TGM7: variants seen among roughly 807,000 people sequenced by gnomAD.
The protein encoded by TGM7 is protein-glutamine gamma-glutamyltransferase Z.
Under a neutral mutation model 79.5 loss-of-function variants are expected in TGM7, and 74 were observed. That is an observed-to-expected ratio of 0.93 (90% confidence interval 0.77 to 1.13). TGM7 has a LOEUF of 1.13. TGM7 is among the 50% of genes most tolerant of loss of function. The pLI is 0.00. For missense variants in TGM7, 912 were observed against 905.9 expected (o/e 1.01, Z -0.09); for synonymous variants, 354 against 362.5 (o/e 0.98, Z 0.27).
At chr15:43,301,823 G>A (rs1339511984) in intron 1 of TGM7, among the ~76,000 whole-genome samples, 1 of 151,982 alleles carries the variant, frequency 6.6e-6, no homozygotes, top group East Asian at 1.9e-4. Flanking sequence ...AACTCTCAGT[G>A]AGGACCTGAG....
At chr15:43,277,272 C>T (rs1239957363) in intron 11 of TGM7, among the ~76,000 whole-genome samples, 1 of 152,210 alleles carries the variant, frequency 6.6e-6, no homozygotes, top group Non-Finnish European at 1.5e-5. Flanking sequence ...TCAAGATGTC[C>T]ACAAGATTTA....
intron 1 of TGM7, among the ~76,000 whole-genome samples, chr15:43,297,515 G>GAAGA (rs2043002940): frequency 7.7e-6 from 1 of 129,356 alleles, no homozygotes; most frequent in Non-Finnish European, 1.6e-5. Flanking sequence ...AAGAAGGAAG[G>GAAGA]AAGGAAGGAA....
chr15:43,296,777 C>G (rs1418485331), intron 1 of TGM7, among the ~76,000 whole-genome samples: 1 of 152,120 alleles, frequency 6.6e-6, no homozygotes, highest in African/African-American at 2.4e-5. Flanking sequence ...TCTCCAGAGG[C>G]CCAAGGTTGC....
chr15:43,287,210 T>G, intron 6 of TGM7, 70 bp downstream of exon 6: 1 of 1,526,610 alleles, frequency 6.6e-7, no homozygotes. Context: ...TACTGAACCT[T>G]TATGAGCCAC....
At position 43,284,886 on chromosome 15, in the gene TGM7, C is replaced by T. The variant is rs778230827; in HGVS notation, c.932G>A (p.Arg311Lys). ...ATAGTACGTATCGATGGTCAAGTTCCTATCCACGTTGTGCGCGGAACGGAA... is the reference window on the plus strand; with the variant it reads ...ATAGTACGTATCGATGGTCAAGTTCTTATCCACGTTGTGCGCGGAACGGAA... ...SNFRSAHNVD[R>K]NLTIDTYYDR... Residue 311 changes from arginine (R) to lysine (K), a missense_variant, in exon 7 of 13, where the codon AGG becomes AAG. By Grantham distance (26) the Arg-to-Lys change is conservative. Transcript: ENST00000452443. 23 of 1,614,104 alleles carry T rather than the reference C, an allele frequency of 1.4e-5. No homozygotes were observed. In the Admixed American group the frequency reaches 3.8e-4, roughly 27 times the overall value.
rs1391374505 is a variant in TGM7 at position 43,279,730 on chromosome 15, T to G, written c.1573A>C (p.Ile525Leu). The G allele has an allele frequency of 1.2e-6, 2 of 1,614,030 alleles. No individual in the cohort carries two copies. Among genetic ancestry groups the G allele is most frequent in the Non-Finnish European group, 1.7e-6 (2 of 1,180,026 alleles). ...GCACAGAAGCGCACCACCAGTCCGA[T>G]GGGCCCCCGAGGGTGGGTGCTGTCT... is the stretch of plus-strand genomic sequence containing the variant. Reference protein sequence around the residue: ...VPDSTHPRGPIGLVVRFCAQA... With the variant: ...VPDSTHPRGPLGLVVRFCAQA... Residue 525 changes from isoleucine (I) to leucine (L), a missense_variant, in exon 10 of 13, where the codon ATC becomes CTC. Coordinates refer to ENST00000452443, the MANE Select transcript of TGM7 (RefSeq NM_052955.3).
At chr15:43,289,545 G>A (rs897922533) in intron 4 of TGM7, among the ~76,000 whole-genome samples, 6 of 152,088 alleles carry the variant, frequency 3.9e-5, no homozygotes, top group African/African-American at 1.4e-4. Flanking sequence ...TGTCTTTATA[G>A]CAGCATGATT....
In TGM7 at chr15:43,284,955, A is replaced by G. The variant is rs1425215251; in HGVS notation, c.866-3T>C. ...TGGAACACCTAAGCATCTCATTACT[A>G]AAGAGAAAAATATAGAGAATCGCTG... On this transcript the variant is annotated splice_polypyrimidine_tract_variant and splice_region_variant and intron_variant, in intron 6 of 12. Transcript: ENST00000452443. 1.9e-6 allele frequency: 3 copies of G among 1,614,072 alleles called. No homozygotes were observed. The highest frequency in any genetic ancestry group is 2.5e-6 in the Non-Finnish European group (3 of 1,179,924).
At chr15:43,299,707 A>T (rs377225242) in intron 1 of TGM7, among the ~76,000 whole-genome samples, 5 of 152,200 alleles carry the variant, frequency 3.3e-5, no homozygotes, top group Non-Finnish European at 7.4e-5. Context: ...TTTTGCATTT[A>T]TTCTAGCTTC....
At chr15:43,284,768 C>T in intron 7 of TGM7, 46 bp downstream of exon 7, 2 of 1,600,968 alleles carry the variant, frequency 1.2e-6, no homozygotes, top group Non-Finnish European at 8.6e-7. Flanking sequence ...GTTTTTCTGC[C>T]CTCCCTGGGA....
chr15:43,286,798 T>C (rs1281463651), intron 6 of TGM7, among the ~76,000 whole-genome samples: 2 of 152,152 alleles, frequency 1.3e-5, no homozygotes, highest in African/African-American at 4.8e-5. Flanking sequence ...GCATAAAACA[T>C]TGATGTTCTT....
chr15:43,282,227 T>C, intron 8 of TGM7, 141 bp from the exon 9 acceptor site: 1 of 1,268,450 alleles, frequency 7.9e-7, no homozygotes, highest in Non-Finnish European at 1.1e-6. Flanking sequence ...TTGTTCCCAT[T>C]AATTCATCTG....
At position 43,292,113 on chromosome 15, in the gene TGM7, T is replaced by C; in HGVS notation, c.440-16A>G. 1 of 1,588,246 alleles carries C rather than the reference T, an allele frequency of 6.3e-7. No homozygotes were observed. Among genetic ancestry groups the C allele is most frequent in the Admixed American group, 1.7e-5 (1 of 59,660 alleles). ...ACGTCGTCCTCTGAGCAGTTAAGAG[T>C]AGTGGAGGGGGCAAAACCCCAAACC... is the stretch of plus-strand genomic sequence containing the variant. On this transcript the variant is annotated splice_polypyrimidine_tract_variant and intron_variant, in intron 3 of 12. Coordinates refer to ENST00000452443, the MANE Select transcript of TGM7 (RefSeq NM_052955.3).
At chr15:43,277,562 T>A (rs2042884504) in intron 11 of TGM7, among the ~76,000 whole-genome samples, 1 of 152,206 alleles carries the variant, frequency 6.6e-6, no homozygotes, top group Non-Finnish European at 1.5e-5. Flanking sequence ...CTGCTGTGTC[T>A]TCATAAACAT....
chr15:43,276,374 T>TG lies in TGM7; in HGVS notation c.*80dup, dbSNP rs1285806154. On this transcript the variant is annotated 3_prime_UTR_variant, in exon 13 of 13. Transcript: ENST00000452443. ...AGGCAGGCTAGAGAGAGGACAGAGG[T>TG]GGAGCCAAGACGACATAGCCAGGAG... is the stretch of plus-strand genomic sequence containing the variant. 2 of 1,501,508 alleles carry TG rather than the reference T, an allele frequency of 1.3e-6. No individual in the cohort carries two copies. The highest frequency in any genetic ancestry group is 1.8e-6 in the Non-Finnish European group (2 of 1,113,652). 93.0% of individuals were successfully genotyped at this position (1,501,508 alleles called of 1,614,324 possible). A position where few individuals can be genotyped will look rare whatever the true frequency, so the allele number is the denominator to read the frequency against.
At chr15:43,288,932 G>GA (rs1439498721) in intron 4 of TGM7, among the ~76,000 whole-genome samples, 3 of 151,894 alleles carry the variant, frequency 2.0e-5, no homozygotes, top group African/African-American at 7.3e-5. Context: ...TCAAGAAAAA[G>GA]AAAAAAATCT....
chr15:43,287,673 C>T lies in TGM7; in HGVS notation c.559-4G>A. On this transcript the variant is annotated splice_polypyrimidine_tract_variant and splice_region_variant and intron_variant, in intron 4 of 12. Coordinates refer to ENST00000452443, the MANE Select transcript of TGM7 (RefSeq NM_052955.3). ...TGTCTATGATGTCCTCTTCAAACTT[C>T]CAAGTGATTTTAAGGGAGAAAAAAG... The T allele has an allele frequency of 6.2e-7, 1 of 1,604,936 alleles. No homozygotes were observed. The highest frequency in any genetic ancestry group is 8.5e-7 in the Non-Finnish European group (1 of 1,177,674).
Position 43,279,222 on chromosome 15 carries a change from G to T in TGM7, c.1734C>A (p.Asp578Glu), listed in dbSNP as rs768206240. ...TGCCAGACACGCGGATGAGCTTTTC[G>T]TCCGTTAGCTTGTTTCTGTAATTGC... ...PYSNYRNKLT[D>E]EKLIRVSGIA... Residue 578 changes from aspartate to glutamate, a missense_variant, in exon 11 of 13, where the codon GAC becomes GAA. Physicochemically the swap from Asp to Glu is conservative, Grantham distance 45. Transcript: ENST00000452443. 9.3e-6 allele frequency: 15 copies of T among 1,614,142 alleles called. No individual in the cohort carries two copies. In the African/African-American group the frequency reaches 1.9e-4, roughly 20 times the overall value.
chr15:43,283,859 C>T (rs1379440360), intron 7 of TGM7, among the ~76,000 whole-genome samples: 1 of 152,186 alleles, frequency 6.6e-6, no homozygotes, highest in Non-Finnish European at 1.5e-5. Context: ...GAAATTGAAG[C>T]TCAGAGACGG....
Sources: gnomAD v4.1 joint callset for allele counts (sites outside exome capture counted in the v4.1 genomes callset) on GRCh38, gnomAD v4.1.1 for gene constraint, MANE v1.5 for transcripts, NCBI Gene and HGNC (gene_info 2026-07-23, HGNC 2026-07-21) for gene names.